Variants in FBN2 observed in about 807,000 individuals in gnomAD.
FBN2 encodes fibrillin-2.
A neutral mutation model predicts 355.6 loss-of-function variants in FBN2; 105 were observed. That is an observed-to-expected ratio of 0.30 (90% CI 0.25 to 0.35). The LOEUF (loss-of-function observed/expected upper bound fraction) is 0.35. Ranked by LOEUF, FBN2 falls within the 10% of genes least tolerant of loss-of-function variation. The probability of loss-of-function intolerance (pLI) is 1.00; values close to 1 mark genes in which losing one functional copy is unlikely to be tolerated. For missense variants in FBN2, 3,280 were observed against 3,758.7 expected (o/e 0.87, Z 3.33); for synonymous variants, 1,350 against 1,301.2 (o/e 1.04, Z -0.81).
In FBN2 at chr5:128,318,229, A is replaced by T. The variant is rs759355338; in HGVS notation, c.4637T>A (p.Leu1546Gln). 1 of 1,613,918 alleles carries T rather than the reference A, an allele frequency of 6.2e-7. No homozygotes were observed. The highest frequency in any genetic ancestry group is 1.1e-5 in the South Asian group (1 of 91,074). The change falls in exon 36 of 65, where the codon CTA becomes CAA. Residue 1546 changes from leucine (L) to glutamine (Q), a missense_variant. Transcript: ENST00000262464. ...CADPINCVNG[L>Q]CVNTPGRYEC... The stretch of plus-strand genomic sequence containing the variant: ...ATAGCGACCAGGCGTGTTGACACAT[A>T]GGCCATTGACACAGTTTATAGGATC...
chr5:128,307,115 C>T lies in FBN2; in HGVS notation c.5422+20G>A, dbSNP rs1488434303. On this transcript the variant is annotated intron_variant, in intron 42 of 64. Coordinates refer to ENST00000262464, the MANE Select transcript of FBN2 (RefSeq NM_001999.4). ...TGCTACACATATGTATTAAAACAAA[C>T]ATAATCTGGAAAAACTCACCAACAG... 2.0e-6 allele frequency: 3 copies of T among 1,533,444 alleles called. No individual in the cohort carries two copies. The African/African-American group carries it at 4.1e-5, about 21-fold the overall frequency. The allele number at this position is 1,533,444 out of a possible 1,614,324, so 95.0% of individuals were successfully genotyped here.
chr5:128,344,464 C>T lies in FBN2; in HGVS notation c.3264G>A (p.Lys1088=). 6.2e-7 allele frequency: 1 copy of T among 1,613,530 alleles called. No individual in the cohort carries two copies. Among genetic ancestry groups the T allele is most frequent in the Non-Finnish European group, 8.5e-7 (1 of 1,179,462 alleles). The change falls in exon 25 of 65, where the codon AAG becomes AAA. Residue 1088 remains lysine (K), a synonymous_variant. Coordinates refer to ENST00000262464, the MANE Select transcript of FBN2 (RefSeq NM_001999.4). ...KAFPGMCTYG[K]CRNTIGSFKC... is the part of the protein sequence containing the mutation. ...TGAAGCTTCCGATTGTATTTCTGCACTTCCCATAAGTGCACATCCCAGGAA... is the reference window on the plus strand; with the variant it reads ...TGAAGCTTCCGATTGTATTTCTGCATTTCCCATAAGTGCACATCCCAGGAA...
intron 6 of FBN2, among the ~76,000 whole-genome samples, chr5:128,449,352 C>CTAT (rs1183211541): frequency 2.0e-5 from 2 of 97,996 alleles, no homozygotes; most frequent in African/African-American, 6.9e-5. Flanking sequence ...ACATAGTATA[C>CTAT]TATATAGTAT....
intron 5 of FBN2, among the ~76,000 whole-genome samples, chr5:128,508,236 T>G (rs1756016020): frequency 6.6e-6 from 1 of 152,046 alleles, no homozygotes. Context: ...TATCTTTCAA[T>G]TGGAGTGTTG....
At chr5:128,332,255 G>C (rs1750714130) in intron 32 of FBN2, among the ~76,000 whole-genome samples, 1 of 152,126 alleles carries the variant, frequency 6.6e-6, no homozygotes, top group Non-Finnish European at 1.5e-5. Context: ...AATTGACCTA[G>C]AAATTCTTAC....
At chr5:128,381,469 T>C (rs1362917566) in intron 11 of FBN2, among the ~76,000 whole-genome samples, 1 of 152,136 alleles carries the variant, frequency 6.6e-6, no homozygotes, top group Non-Finnish European at 1.5e-5. Context: ...GTTACTAGTG[T>C]TATCTTGGGC....
At chr5:128,366,474 C>A in intron 16 of FBN2, 44 bp from the exon 17 acceptor site, 1 of 1,214,966 alleles carries the variant, frequency 8.2e-7, no homozygotes, top group Non-Finnish European at 1.2e-6. Context: ...CTTAACTATA[C>A]CTATTCCATA....
chr5:128,330,486 C>T, intron 33 of FBN2, 87 bp downstream of exon 33: 1 of 1,449,442 alleles, frequency 6.9e-7, no homozygotes, highest in Admixed American at 1.7e-5. Context: ...CTTTTGTCTC[C>T]TTTAATTATA....
At chr5:128,478,842 G>T (rs187240675) in intron 5 of FBN2, among the ~76,000 whole-genome samples, 448 of 152,264 alleles carry the variant, frequency 2.9e-3, no homozygotes, top group Non-Finnish European at 4.9e-3. Flanking sequence ...ATGTACTCTT[G>T]TGCATTCTTA....
chr5:128,462,278 A>T (rs1241220664), intron 6 of FBN2, among the ~76,000 whole-genome samples: 1 of 152,150 alleles, frequency 6.6e-6, no homozygotes, highest in Non-Finnish European at 1.5e-5. Flanking sequence ...TTAATGACAT[A>T]TATGCACCAT....
intron 25 of FBN2, among the ~76,000 whole-genome samples, chr5:128,339,798 AG>A: frequency 6.6e-6 from 1 of 152,252 alleles, no homozygotes; most frequent in Admixed American, 6.5e-5. Flanking sequence ...TCTGTGCAGG[AG>A]GGACTGGCAA....
At chr5:128,532,675 AACTC>A (rs569594441) in intron 2 of FBN2, among the ~76,000 whole-genome samples, 13 of 152,318 alleles carry the variant, frequency 8.5e-5, no homozygotes, top group Non-Finnish European at 1.3e-4. Context: ...GAAGTAAACT[AACTC>A]ACTAATTGTT....
chr5:128,346,098 A>G (rs1242436861), intron 23 of FBN2, among the ~76,000 whole-genome samples: 3 of 151,672 alleles, frequency 2.0e-5, no homozygotes, highest in Non-Finnish European at 4.4e-5. Flanking sequence ...CTTTTGCATC[A>G]TGGTTTTTCC....
chr5:128,345,618 A>G (rs1387765687), intron 23 of FBN2, 34 bp from the exon 24 acceptor site: 2 of 1,560,192 alleles, frequency 1.3e-6, no homozygotes, highest in Non-Finnish European at 1.8e-6. Flanking sequence ...GGTGAGAATG[A>G]GTTGAAACAT....
At position 128,312,672 on chromosome 5, in the gene FBN2, C is replaced by T; in HGVS notation, c.4841G>A (p.Trp1614Ter). The T allele has an allele frequency of 6.2e-7, 1 of 1,614,030 alleles. No homozygotes were observed. Residue 1614 changes from tryptophan (W) to a stop codon, truncating the protein, a stop_gained, in exon 37 of 65, where the codon TGG (tryptophan) becomes TAG (stop). Transcript: ENST00000262464. LOFTEE classifies it high-confidence loss of function. ...SSCCCSLGKA[W>*]GNPCETCPPV... ...GGGGCATGTCTCACAGGGGTTTCCC[C>T]AGGCCTTTCCCAGAGAGCAGCAGCA...
At chr5:128,384,333 A>G (rs1752312483) in intron 11 of FBN2, among the ~76,000 whole-genome samples, 1 of 152,056 alleles carries the variant, frequency 6.6e-6, no homozygotes, top group African/African-American at 2.4e-5. Context: ...TACAAGGGAC[A>G]AAAGTAAGCC....
chr5:128,478,272 A>G (rs986290118), intron 5 of FBN2, among the ~76,000 whole-genome samples: 1 of 152,108 alleles, frequency 6.6e-6, no homozygotes, highest in Non-Finnish European at 1.5e-5. Flanking sequence ...TGGAAGGTAA[A>G]CTCTAATTGT....
intron 21 of FBN2, among the ~76,000 whole-genome samples, chr5:128,350,635 G>C (rs535468021): frequency 1.1e-4 from 17 of 152,366 alleles, no homozygotes; most frequent in African/African-American, 4.1e-4. Context: ...CTAGCAGATA[G>C]ATTCTAGCTG....
intron 7 of FBN2, among the ~76,000 whole-genome samples, chr5:128,422,724 A>T (rs139648098): frequency 6.6e-6 from 1 of 152,184 alleles, no homozygotes; most frequent in African/African-American, 2.4e-5. Context: ...TTCATGTCAG[A>T]TATCTTTTAC....
Sources: allele counts gnomAD v4.1 joint callset (sites outside exome capture counted in the v4.1 genomes callset), GRCh38; gene constraint gnomAD v4.1.1; transcripts MANE v1.5; gene names NCBI Gene and HGNC (gene_info 2026-07-23, HGNC 2026-07-21).